ABI1: variants seen among roughly 807,000 people sequenced by gnomAD.
ABI1 encodes abl interactor 1.
A neutral mutation model predicts 54.6 loss-of-function variants in ABI1; 14 were observed. That is an observed-to-expected ratio of 0.26 (90% CI 0.17 to 0.40). The LOEUF (loss-of-function observed/expected upper bound fraction) is 0.40. ABI1 is among the 10% of genes least tolerant of loss of function. The pLI, the probability that ABI1 is intolerant of heterozygous loss-of-function variation, is 1.00. For synonymous variants in ABI1, 194 were observed against 209.3 expected (o/e 0.93, Z 0.63); for missense variants, 443 against 598.3 (o/e 0.74, Z 2.71).
At chr10:26,777,753 AAC>A (rs1189773427) in intron 2 of ABI1, among the ~76,000 whole-genome samples, 3 of 152,120 alleles carry the variant, frequency 2.0e-5, no homozygotes, top group Non-Finnish European at 4.4e-5. Flanking sequence ...CAGCCTGGGC[AAC>A]AGAGGGAGAC....
chr10:26,749,534 CTG>C (rs1343369928), intron 10 of ABI1, among the ~76,000 whole-genome samples: 3 of 152,186 alleles, frequency 2.0e-5, no homozygotes, highest in African/African-American at 7.2e-5. Context: ...ACTGAATAAA[CTG>C]TGTCATGTGC....
At chr10:26,764,832 T>C (rs906534435) in intron 7 of ABI1, among the ~76,000 whole-genome samples, 1 of 152,220 alleles carries the variant, frequency 6.6e-6, no homozygotes, top group African/African-American at 2.4e-5. Context: ...TATGAGAGGA[T>C]GTGTGTAGGT....
intron 3 of ABI1, among the ~76,000 whole-genome samples, chr10:26,772,918 A>T (rs1170767651): frequency 1.3e-5 from 2 of 151,900 alleles, no homozygotes; most frequent in Non-Finnish European, 2.9e-5. Context: ...TGAAAAAAAA[A>T]AATAAAAAAT....
At chr10:26,849,420 T>C (rs2050227958) in intron 1 of ABI1, among the ~76,000 whole-genome samples, 1 of 152,218 alleles carries the variant, frequency 6.6e-6, no homozygotes, top group African/African-American at 2.4e-5. Flanking sequence ...GAAAATGTCT[T>C]TTAATATTGT....
At chr10:26,806,441 G>A (rs4628582) in intron 2 of ABI1, among the ~76,000 whole-genome samples, 5,035 of 152,166 alleles carry the variant, frequency 0.033, 241 homozygotes, top group South Asian at 0.19. Context: ...ACAGGCAACC[G>A]CACTGGAAAC....
At chr10:26,842,444 T>G (rs753106884) in intron 1 of ABI1, among the ~76,000 whole-genome samples, 3 of 152,186 alleles carry the variant, frequency 2.0e-5, no homozygotes, top group Non-Finnish European at 2.9e-5. Flanking sequence ...TTCCATTTAT[T>G]TATTTTTGCT....
chr10:26,842,402 T>C (rs1401228192), intron 1 of ABI1, among the ~76,000 whole-genome samples: 1 of 152,256 alleles, frequency 6.6e-6, no homozygotes, highest in Admixed American at 6.5e-5. Context: ...ATTGTTTCCT[T>C]TGTTTTGAAG....
At chr10:26,754,535 C>T (rs1465315506) in intron 9 of ABI1, among the ~76,000 whole-genome samples, 1 of 152,160 alleles carries the variant, frequency 6.6e-6, no homozygotes, top group African/African-American at 2.4e-5. Context: ...TGCTGGTATT[C>T]TTCCCGGAGT....
chr10:26,801,276 G>A (rs779116606), intron 2 of ABI1, among the ~76,000 whole-genome samples: 4 of 151,944 alleles, frequency 2.6e-5, no homozygotes, highest in African/African-American at 9.7e-5. Flanking sequence ...GGCCGGGCAC[G>A]GTGGCTCATA....
At chr10:26,823,349 T>A (rs778471894) in intron 1 of ABI1, 44 bp from the exon 2 acceptor site, 1 of 1,378,300 alleles carries the variant, frequency 7.3e-7, no homozygotes, top group Non-Finnish European at 9.6e-7. Flanking sequence ...TAGATTAACA[T>A]TCATTAAATA....
In ABI1 at chr10:26,784,685, C is replaced by A. The variant is rs144071900; in HGVS notation, c.286-7444G>T. ...CCTTCAGAAAATGTGATGACTTGCA[C>A]ACCAAGGGAAAAATCACTATAATGG... is the stretch of plus-strand genomic sequence containing the variant. On this transcript the variant is annotated intron_variant, in intron 2 of 10. Transcript: ENST00000376140. Among the ~76,000 whole-genome samples the A allele has an allele frequency of 3.8e-3, 572 of 152,266 alleles. 2 individuals are homozygous for A. The highest frequency in any genetic ancestry group is 5.9e-3 in the Non-Finnish European group (402 of 68,028).
chr10:26,778,227 T>G (rs1023633304), intron 2 of ABI1, among the ~76,000 whole-genome samples: 1 of 152,188 alleles, frequency 6.6e-6, no homozygotes, highest in Non-Finnish European at 1.5e-5. Context: ...TTAAAAATAT[T>G]TTTTTAATTT....
chr10:26,769,058 T>C, intron 5 of ABI1, 66 bp from the exon 6 acceptor site: 1 of 1,266,072 alleles, frequency 7.9e-7, no homozygotes, highest in African/African-American at 1.5e-5. Flanking sequence ...TTCCCAAAAA[T>C]ATGTGAGTCT....
intron 7 of ABI1, among the ~76,000 whole-genome samples, chr10:26,762,660 C>A (rs1262194137): frequency 6.6e-6 from 1 of 152,196 alleles, no homozygotes; most frequent in East Asian, 1.9e-4. Context: ...TATCATACTT[C>A]ATGCAGCTTC....
chr10:26,830,318 T>C (rs1283214949), intron 1 of ABI1, among the ~76,000 whole-genome samples: 1 of 152,126 alleles, frequency 6.6e-6, no homozygotes, highest in Non-Finnish European at 1.5e-5. Context: ...TAAGTGTATA[T>C]TTAACATTGT....
Position 26,758,460 on chromosome 10 carries a change from C to T in ABI1, c.997+602G>A, listed in dbSNP as rs561161208. Reference sequence around the variant, plus strand: ...TAAAACTATTTTCTTTTCTTACCAGCTTTTAAACACTGACTGCAATTAGTG... The same window carrying T: ...TAAAACTATTTTCTTTTCTTACCAGTTTTTAAACACTGACTGCAATTAGTG... On this transcript the variant is annotated intron_variant, in intron 8 of 10. Coordinates refer to ENST00000376140, the MANE Select transcript of ABI1 (RefSeq NM_001012750.3). Among the ~76,000 whole-genome samples, 396 of 152,270 alleles carry T rather than the reference C, an allele frequency of 2.6e-3. 1 individual carries two copies. Among genetic ancestry groups the T allele is most frequent in the Non-Finnish European group, 4.4e-3 (296 of 68,008 alleles).
chr10:26,823,200 A>C lies in ABI1; in HGVS notation c.223T>G (p.Leu75Val). 15 of 1,605,656 alleles carry C rather than the reference A, an allele frequency of 9.3e-6. No individual in the cohort carries two copies. Among genetic ancestry groups the C allele is most frequent in the Non-Finnish European group, 1.2e-5 (14 of 1,177,394 alleles). The change falls in exon 2 of 11, where the codon TTG becomes GTG. Residue 75 changes from leucine (L) to valine (V), a missense_variant. Physicochemically the swap from Leu to Val is conservative, Grantham distance 32. This residue lies in a region of ABI1 where 394 missense variants were observed against 484.8 expected (regional missense o/e 0.81). Coordinates refer to ENST00000376140, the MANE Select transcript of ABI1 (RefSeq NM_001012750.3). ...AGCTGAGAGGCTTGGATATCCAGCAACTGGAGTACATTGTTGGCCAATGCA... is the reference window on the plus strand; with the variant it reads ...AGCTGAGAGGCTTGGATATCCAGCACCTGGAGTACATTGTTGGCCAATGCA... ...INALANNVLQ[L>V]LDIQASQLRR...
intron 2 of ABI1, among the ~76,000 whole-genome samples, chr10:26,791,052 G>A (rs1843363083): frequency 9.0e-6 from 1 of 111,582 alleles, no homozygotes; most frequent in Non-Finnish European, 1.6e-5. Context: ...GCCCAGGTAA[G>A]AGTAAGATTC....
At chr10:26,857,122 C>A (rs1413959276) in intron 1 of ABI1, among the ~76,000 whole-genome samples, 1 of 151,940 alleles carries the variant, frequency 6.6e-6, no homozygotes, top group African/African-American at 2.4e-5. Flanking sequence ...GAGTTCGAGA[C>A]CAGCCTGGCC....
Sources: allele counts gnomAD v4.1 joint callset (sites outside exome capture counted in the v4.1 genomes callset), GRCh38; gene constraint gnomAD v4.1.1; regional missense constraint gnomAD v4.1.1; transcripts MANE v1.5; gene names NCBI Gene and HGNC (gene_info 2026-07-23, HGNC 2026-07-21).